The following THSD7B variants were observed in gnomAD, a reference collection of about 807,000 sequenced individuals.
THSD7B encodes the protein thrombospondin type 1 domain containing 7B.
THSD7B carries 138 observed loss-of-function variants against 213.6 expected under a neutral mutation model. The observed-to-expected ratio is 0.65, with a 90% CI of 0.56 to 0.74. The LOEUF is 0.74. Ranked by LOEUF, THSD7B falls within the 30% of genes least tolerant of loss-of-function variation. The pLI, the probability that THSD7B is intolerant of heterozygous loss-of-function variation, is 0.00. For missense variants in THSD7B, 1,931 were observed against 1,991.5 expected (o/e 0.97, Z 0.58); for synonymous variants, 742 against 687.0 (o/e 1.08, Z -1.25).
intron 26 of THSD7B, among the ~76,000 whole-genome samples, chr2:137,663,928 T>G (rs1324817803): frequency 6.6e-6 from 1 of 151,622 alleles, no homozygotes; most frequent in Non-Finnish European, 1.5e-5. Context: ...CTCGGCTTAC[T>G]GCGACCTCCA....
intron 2 of THSD7B, among the ~76,000 whole-genome samples, chr2:136,993,180 G>C (rs751013541): frequency 6.6e-6 from 1 of 152,200 alleles, no homozygotes; most frequent in Non-Finnish European, 1.5e-5. Flanking sequence ...AGATGTTTTG[G>C]ATGTATATGA....
At chr2:137,121,035 G>C (rs893173132) in intron 5 of THSD7B, among the ~76,000 whole-genome samples, 1 of 152,164 alleles carries the variant, frequency 6.6e-6, no homozygotes, top group African/African-American at 2.4e-5. Context: ...TACTGGTTCT[G>C]TTTGATTGCA....
chr2:137,192,703 T>C lies in THSD7B; in HGVS notation c.1723+21765T>C, dbSNP rs116954067. On this transcript the variant is annotated intron_variant, in intron 7 of 27. Coordinates refer to ENST00000409968, the MANE Select transcript of THSD7B (RefSeq NM_001316349.2). Reference sequence around the variant, plus strand: ...TATGCATTTTGCTTTAACTGCCTACTCTTATTCCTGAAATCTGGATGTATT... The same window carrying C: ...TATGCATTTTGCTTTAACTGCCTACCCTTATTCCTGAAATCTGGATGTATT... Among the ~76,000 whole-genome samples, 873 of 152,284 alleles carry C rather than the reference T, an allele frequency of 5.7e-3. 15 individuals carry two copies. The highest frequency in any genetic ancestry group is 0.033 in the East Asian group (170 of 5,182).
intron 12 of THSD7B, among the ~76,000 whole-genome samples, chr2:137,294,295 A>C (rs1683404706): frequency 1.3e-5 from 2 of 151,992 alleles, no homozygotes; most frequent in South Asian, 2.1e-4. Flanking sequence ...ATTTTGAAAG[A>C]GAGGGGGCTG....
At chr2:137,259,412 T>A (rs1682388157) in intron 10 of THSD7B, among the ~76,000 whole-genome samples, 1 of 152,244 alleles carries the variant, frequency 6.6e-6, no homozygotes, top group Non-Finnish European at 1.5e-5. Flanking sequence ...ATTGTGGTTT[T>A]GATTTGCATT....
intron 1 of THSD7B, among the ~76,000 whole-genome samples, chr2:136,814,699 A>G (rs565752303): frequency 6.6e-6 from 1 of 152,304 alleles, no homozygotes; most frequent in South Asian, 2.1e-4. Context: ...GCCTTAGTAT[A>G]TAATTTTTTA....
chr2:137,437,553 C>G (rs761832120), intron 14 of THSD7B, among the ~76,000 whole-genome samples: 2 of 152,090 alleles, frequency 1.3e-5, no homozygotes, highest in African/African-American at 2.4e-5. Flanking sequence ...ATTTCATGCA[C>G]CTTTAAAGCA....
intron 14 of THSD7B, among the ~76,000 whole-genome samples, chr2:137,425,639 C>T (rs1393738728): frequency 6.6e-6 from 1 of 152,232 alleles, no homozygotes; most frequent in South Asian, 2.1e-4. Context: ...GAACCAATCC[C>T]CTGTAGAATA....
intron 5 of THSD7B, among the ~76,000 whole-genome samples, chr2:137,157,007 A>G (rs1250351150): frequency 6.6e-6 from 1 of 152,198 alleles, no homozygotes; most frequent in East Asian, 1.9e-4. Flanking sequence ...GGACCCATAT[A>G]CAATTAATAT....
At chr2:137,186,459 C>G (rs1395860316) in intron 7 of THSD7B, among the ~76,000 whole-genome samples, 1 of 151,150 alleles carries the variant, frequency 6.6e-6, no homozygotes, top group East Asian at 1.9e-4. Context: ...GACAGTTATC[C>G]CAGCACCATT....
At chr2:136,937,531 G>A (rs949215729) in intron 2 of THSD7B, among the ~76,000 whole-genome samples, 3 of 152,070 alleles carry the variant, frequency 2.0e-5, no homozygotes, top group Non-Finnish European at 4.4e-5. Context: ...AATTGTTCAC[G>A]CATTGATATT....
At chr2:137,248,721 G>A (rs1682098213) in intron 10 of THSD7B, among the ~76,000 whole-genome samples, 1 of 152,144 alleles carries the variant, frequency 6.6e-6, no homozygotes, top group African/African-American at 2.4e-5. Context: ...AAATAATAGA[G>A]GGTCTGCTGT....
At chr2:137,058,171 T>G (rs1687204273) in intron 3 of THSD7B, among the ~76,000 whole-genome samples, 1 of 123,666 alleles carries the variant, frequency 8.1e-6, no homozygotes, top group East Asian at 2.0e-4. Context: ...GTGATGATTG[T>G]TTTTTTTTCC....
At chr2:136,770,655 T>C (rs1681488099) in intron 1 of THSD7B, among the ~76,000 whole-genome samples, 1 of 152,210 alleles carries the variant, frequency 6.6e-6, no homozygotes, top group Non-Finnish European at 1.5e-5. Context: ...CTGTTCTGAT[T>C]GGCTTATGCC....
intron 12 of THSD7B, among the ~76,000 whole-genome samples, chr2:137,299,086 C>A (rs1398137722): frequency 6.6e-6 from 1 of 152,116 alleles, no homozygotes; most frequent in African/African-American, 2.4e-5. Context: ...CCCTGCAAAA[C>A]CACAGGGATG....
At chr2:137,091,259 C>A (rs2104914850) in intron 3 of THSD7B, among the ~76,000 whole-genome samples, 1 of 152,196 alleles carries the variant, frequency 6.6e-6, no homozygotes, top group Admixed American at 6.5e-5. Context: ...GAAGGATGAG[C>A]AACAGAGAGT....
chr2:136,973,883 C>T lies in THSD7B; in HGVS notation c.140-82537C>T, dbSNP rs900499746. 2.6e-5 allele frequency among the ~76,000 whole-genome samples: 4 copies of T among 152,258 alleles called. No homozygotes were observed. The Middle Eastern group carries it at 0.01, about 388-fold the overall frequency. ...CTCACTGATTTGTGTTAATTTGAGACACAGTCTTTTAAAACTAAACTATCA... is the reference window on the plus strand; with the variant it reads ...CTCACTGATTTGTGTTAATTTGAGATACAGTCTTTTAAAACTAAACTATCA... On this transcript the variant is annotated intron_variant, in intron 2 of 27. Coordinates refer to ENST00000409968, the MANE Select transcript of THSD7B (RefSeq NM_001316349.2).
At chr2:136,815,425 A>C (rs1453157022) in intron 1 of THSD7B, among the ~76,000 whole-genome samples, 1 of 152,172 alleles carries the variant, frequency 6.6e-6, no homozygotes, top group Non-Finnish European at 1.5e-5. Context: ...ACTCTGTTAA[A>C]CTATACCCAG....
intron 1 of THSD7B, among the ~76,000 whole-genome samples, chr2:136,832,494 T>C (rs564944565): frequency 1.6e-4 from 24 of 152,310 alleles, no homozygotes; most frequent in Non-Finnish European, 2.6e-4. Context: ...CCCACCCACA[T>C]TGCAGAAGCC....
Sources: allele counts gnomAD v4.1 joint callset (sites outside exome capture counted in the v4.1 genomes callset), GRCh38; gene constraint gnomAD v4.1.1; transcripts MANE v1.5; gene names NCBI Gene and HGNC (gene_info 2026-07-23, HGNC 2026-07-21).